The following AGO1 variants were observed in gnomAD, a reference collection of about 807,000 sequenced individuals.
AGO1 encodes the protein argonaute RISC component 1, also known as protein argonaute-1.
Under a neutral mutation model 109.2 loss-of-function variants are expected in AGO1, and 11 were observed. That is an observed-to-expected ratio of 0.10 (90% confidence interval 0.06 to 0.17). AGO1 has a LOEUF of 0.17. Ranked by LOEUF, AGO1 falls within the 10% of genes least tolerant of loss-of-function variation. The pLI is 1.00. For synonymous variants in AGO1, 422 were observed against 418.6 expected (o/e 1.01, Z -0.10); for missense variants, 574 against 1,140.3 (o/e 0.50, Z 7.15).
Position 35,925,704 on chromosome 1 carries a change from T to C in AGO1, c.*6097T>C, listed in dbSNP as rs1645914597. The C allele has an allele frequency of 6.6e-6, 1 of 152,080 alleles. No individual in the cohort carries two copies. The highest frequency in any genetic ancestry group is 2.4e-5 in the African/African-American group (1 of 41,390). 9.4% of individuals were successfully genotyped at this position (152,080 alleles called of 1,614,324 possible). On this transcript the variant is annotated 3_prime_UTR_variant, in exon 19 of 19. Coordinates refer to ENST00000373204, the MANE Select transcript of AGO1 (RefSeq NM_012199.5). ...CTGAATCTTCAGGTAAGCAGATACT[T>C]AACTACATTATCATTGTCTTTTCCC...
chr1:35,924,902 CTG>C lies in AGO1; in HGVS notation c.*5297_*5298del, dbSNP rs1397482627. The C allele has an allele frequency of 1.3e-5, 2 of 152,104 alleles. No homozygotes were observed. Among genetic ancestry groups the C allele is most frequent in the African/African-American group, 4.8e-5 (2 of 41,384 alleles). 9.4% of individuals were successfully genotyped at this position (152,104 alleles called of 1,614,324 possible). ...AACACAGGTTGGTGCTCAGGTAAGA[CTG>C]TAAAACTGCATTTATAGATACAGGA... On this transcript the variant is annotated 3_prime_UTR_variant, in exon 19 of 19. Transcript: ENST00000373204.
At chr1:35,902,814 C>G (rs1645443732) in intron 11 of AGO1, among the ~76,000 whole-genome samples, 1 of 152,082 alleles carries the variant, frequency 6.6e-6, no homozygotes, top group South Asian at 2.1e-4. Flanking sequence ...CAAATCAGAT[C>G]TGAGCTTCAA....
chr1:35,903,302 G>C (rs1010618721), intron 11 of AGO1, among the ~76,000 whole-genome samples: 2 of 137,712 alleles, frequency 1.5e-5, no homozygotes, highest in African/African-American at 6.1e-5. Context: ...CACTGTGCCC[G>C]GCCTTTTTTT....
At position 35,888,705 on chromosome 1, in the gene AGO1, C is replaced by G. The variant is rs1190076420; in HGVS notation, c.209+95C>G. ...AAGAAAAACCAGTAGAGGGTAGTAT[C>G]ACCAAATCTAAGGAAGTTTTTGAAC... On this transcript the variant is annotated intron_variant, in intron 2 of 18. Coordinates refer to ENST00000373204, the MANE Select transcript of AGO1 (RefSeq NM_012199.5). This position sits in a 1 kb window ranked among gnomAD's most constrained non-coding sequence, Gnocchi z 4.1. 1 of 1,389,254 alleles carries G rather than the reference C, an allele frequency of 7.2e-7. No homozygotes were observed. The highest frequency in any genetic ancestry group is 9.7e-7 in the Non-Finnish European group (1 of 1,029,460). The allele number at this position is 1,389,254 out of a possible 1,614,324, so 86.1% of individuals were successfully genotyped here. A position where few individuals can be genotyped will look rare whatever the true frequency, so the allele number is the denominator to read the frequency against.
Position 35,930,359 on chromosome 1 carries a change from C to T in AGO1, c.*10752C>T, listed in dbSNP as rs1646012848. Reference sequence around the variant, plus strand: ...GGTTCCTGGCCAAGGGAACCAAAAGCAGAGAAGCTCCAAGTCAGAAAAAAG... The same window carrying T: ...GGTTCCTGGCCAAGGGAACCAAAAGTAGAGAAGCTCCAAGTCAGAAAAAAG... On this transcript the variant is annotated 3_prime_UTR_variant, in exon 19 of 19. Coordinates refer to ENST00000373204, the MANE Select transcript of AGO1 (RefSeq NM_012199.5). 1 of 152,158 alleles carries T rather than the reference C, an allele frequency of 6.6e-6. No individual in the cohort carries two copies. Among genetic ancestry groups the T allele is most frequent in the African/African-American group, 2.4e-5 (1 of 41,412 alleles). 9.4% of individuals were successfully genotyped at this position (152,158 alleles called of 1,614,324 possible).
chr1:35,915,519 G>A lies in AGO1; in HGVS notation c.2005G>A (p.Val669Met). The change falls in exon 15 of 19, where the codon GTG (valine) becomes ATG (methionine). Residue 669 changes from valine to methionine, a missense_variant. Val to Met is a conservative substitution (Grantham distance 21). This residue lies in a region of AGO1 where 45 missense variants were observed against 61.3 expected (regional missense o/e 0.73). Coordinates refer to ENST00000373204, the MANE Select transcript of AGO1 (RefSeq NM_012199.5). ...CCGCATCATCTTCTACCGAGATGGG[G>A]TGCCTGAAGGCCAGCTACCCCAGGT... ...PTRIIFYRDGVPEGQLPQILH... is the reference protein window; with the variant it reads ...PTRIIFYRDGMPEGQLPQILH... The A allele has an allele frequency of 6.2e-7, 1 of 1,614,138 alleles. No individual in the cohort carries two copies. Among genetic ancestry groups the A allele is most frequent in the Non-Finnish European group, 8.5e-7 (1 of 1,180,020 alleles).
At chr1:35,909,554 A>G (rs1645595330) in intron 12 of AGO1, among the ~76,000 whole-genome samples, 1 of 152,104 alleles carries the variant, frequency 6.6e-6, no homozygotes, top group Non-Finnish European at 1.5e-5. Flanking sequence ...CTTGCACTTA[A>G]AATTCTCTCC....
At chr1:35,897,029 G>A (rs1406881010) in intron 8 of AGO1, among the ~76,000 whole-genome samples, 1 of 152,046 alleles carries the variant, frequency 6.6e-6, no homozygotes, top group Non-Finnish European at 1.5e-5. Context: ...TATATTTATC[G>A]AGCTCCTACT....
rs1362339452 is a variant in AGO1, at chr1:35,922,938, G to A, written c.*3331G>A. On this transcript the variant is annotated 3_prime_UTR_variant, in exon 19 of 19. Transcript: ENST00000373204. ...CCTGGGGCCTGGCTTTTCTGAGATT[G>A]TCTTAGGGTTGAGCTATTTGGGTAT... 3 of 152,396 alleles carry A rather than the reference G, an allele frequency of 2.0e-5. No individual in the cohort carries two copies. The highest frequency in any genetic ancestry group is 2.9e-5 in the Non-Finnish European group (2 of 68,208). 9.4% of individuals were successfully genotyped at this position (152,396 alleles called of 1,614,324 possible). A position where few individuals can be genotyped will look rare whatever the true frequency, so the allele number is the denominator to read the frequency against.
Position 35,888,340 on chromosome 1 carries a change from C to G in AGO1, c.26-87C>G. 1.4e-6 allele frequency: 2 copies of G among 1,398,444 alleles called. No homozygotes were observed. Among genetic ancestry groups the G allele is most frequent in the Non-Finnish European group, 2.0e-6 (2 of 1,010,000 alleles). The allele number at this position is 1,398,444 out of a possible 1,614,324, so 86.6% of individuals were successfully genotyped here. The stretch of plus-strand genomic sequence containing the variant: ...GAGGCATTCTCTATACTCTCGTGTT[C>G]CTGTTCTGGGAGGCCTTGTTCCTCC... On this transcript the variant is annotated intron_variant, in intron 1 of 18. Transcript: ENST00000373204. This position sits in a 1 kb window ranked among gnomAD's most constrained non-coding sequence, Gnocchi z 4.1.
At chr1:35,909,804 G>A (rs1192932830) in intron 12 of AGO1, among the ~76,000 whole-genome samples, 1 of 152,114 alleles carries the variant, frequency 6.6e-6, no homozygotes, top group African/African-American at 2.4e-5. Flanking sequence ...ATGGAGAGAA[G>A]TTGTTTGATC....
chr1:35,887,465 C>G (rs957592366), intron 1 of AGO1, among the ~76,000 whole-genome samples: 1 of 152,116 alleles, frequency 6.6e-6, no homozygotes, highest in Non-Finnish European at 1.5e-5. Flanking sequence ...CTGGATCTGG[C>G]CTTACCCTAT....
Position 35,888,001 on chromosome 1 carries a change from G to T in AGO1, c.26-426G>T, listed in dbSNP as rs1645147461. On this transcript the variant is annotated intron_variant, in intron 1 of 18. Transcript: ENST00000373204. The surrounding 1 kb of genome is among the most constrained non-coding windows in gnomAD (Gnocchi z 4.1). The stretch of plus-strand genomic sequence containing the variant: ...AGGAACATCAAGGTTATGCCATTTT[G>T]TATTCAGCATGGTGGCGAATGGAGT... Among the ~76,000 whole-genome samples the T allele has an allele frequency of 6.6e-6, 1 of 152,100 alleles. No homozygotes were observed.
chr1:35,873,791 C>T (rs1644972148), intron 1 of AGO1: 1 of 152,370 alleles, frequency 6.6e-6, no homozygotes, highest in Non-Finnish European at 1.5e-5. Flanking sequence ...GTCTTGTCAG[C>T]TTCTTCAGTG....
chr1:35,902,646 C>T (rs762452350), intron 11 of AGO1, among the ~76,000 whole-genome samples: 4 of 152,160 alleles, frequency 2.6e-5, no homozygotes, highest in South Asian at 4.1e-4. Flanking sequence ...GTAATGTTTA[C>T]GCCAAAATTA....
chr1:35,871,943 G>A (rs1455763016), intron 1 of AGO1, among the ~76,000 whole-genome samples: 2 of 151,108 alleles, frequency 1.3e-5, no homozygotes, highest in Non-Finnish European at 3.0e-5. Flanking sequence ...GGTGGCGGGC[G>A]CCTGTAGTCC....
Position 35,888,459 on chromosome 1 carries a change from G to A in AGO1, c.58G>A (p.Val20Met). The A allele has an allele frequency of 1.2e-6, 2 of 1,614,208 alleles. No homozygotes were observed. Among genetic ancestry groups the A allele is most frequent in the African/African-American group, 1.3e-5 (1 of 75,066 alleles). ...AGAYLPPLQQ[V>M]FQAPRRPGIG... Reference sequence around the variant, plus strand: ...CGCTTACCTGCCCCCCCTGCAGCAGGTGTTCCAGGCACCTCGCCGGCCTGG... The same window carrying A: ...CGCTTACCTGCCCCCCCTGCAGCAGATGTTCCAGGCACCTCGCCGGCCTGG... Residue 20 changes from valine (V) to methionine (M), a missense_variant, in exon 2 of 19, where the codon GTG becomes ATG. Transcript: ENST00000373204. This position sits in a 1 kb window ranked among gnomAD's most constrained non-coding sequence, Gnocchi z 4.1.
At chr1:35,891,533 T>G (rs1024800184) in intron 2 of AGO1, among the ~76,000 whole-genome samples, 4 of 152,202 alleles carry the variant, frequency 2.6e-5, no homozygotes, top group Non-Finnish European at 4.4e-5. Flanking sequence ...GTTCCTGATT[T>G]TTTTGTTTTG....
upstream of AGO1, among the ~76,000 whole-genome samples, chr1:35,879,356 G>T (rs1645016578): frequency 6.6e-6 from 1 of 152,088 alleles, no homozygotes; most frequent in Non-Finnish European, 1.5e-5. Flanking sequence ...GCTGAGGCAG[G>T]AGAATCGCTT....
Sources: gnomAD v4.1 joint callset for allele counts (sites outside exome capture counted in the v4.1 genomes callset) on GRCh38, gnomAD v4.1.1 for gene constraint, gnomAD v4.1.1 regional missense constraint, Gnocchi (gnomAD v3.1) non-coding constraint, MANE v1.5 for transcripts, NCBI Gene and HGNC (gene_info 2026-07-23, HGNC 2026-07-21) for gene names.